The following MROH1 variants were observed in gnomAD, a reference collection of about 807,000 sequenced individuals.
The protein encoded by MROH1 is maestro heat-like repeat-containing protein family member 1.
Under a neutral mutation model 116.5 loss-of-function variants are expected in MROH1, and 117 were observed. The ratio of observed to expected loss-of-function variants is 1.00; its 90% CI spans 0.86 to 1.17. The LOEUF (loss-of-function observed/expected upper bound fraction) is 1.17, where lower values mean the gene tolerates loss of function less well. Among genes scored for constraint, MROH1 ranks in the 50% most tolerant of loss-of-function variants. The pLI is 0.00. For synonymous variants in MROH1, 921 were observed against 583.9 expected, an observed-to-expected ratio of 1.58 and a Z score of -8.32; for missense variants, 1,873 against 1,338.5, an observed-to-expected ratio of 1.40 and a Z score of -6.23.
intron 33 of MROH1, among the ~76,000 whole-genome samples, chr8:144,253,689 C>T (rs1228835254): frequency 1.3e-5 from 2 of 151,980 alleles, no homozygotes; most frequent in Non-Finnish European, 1.5e-5. Context: ...TCCTGGAATT[C>T]CCACCACAAG....
intron 29 of MROH1, 138 bp downstream of exon 29, chr8:144,245,398 C>T (rs1841715413): frequency 3.1e-6 from 2 of 652,654 alleles, no homozygotes; most frequent in Non-Finnish European, 5.5e-6. Flanking sequence ...GGATTGAGGG[C>T]CTGTCAGGGC....
chr8:144,255,339 T>A (rs1843537120), intron 34 of MROH1, among the ~76,000 whole-genome samples, 170 bp from the exon 35 acceptor site: 1 of 152,168 alleles, frequency 6.6e-6, no homozygotes, highest in Non-Finnish European at 1.5e-5. Flanking sequence ...CCTCTACCCC[T>A]GAGGGCCAAG....
intron 14 of MROH1, among the ~76,000 whole-genome samples, chr8:144,232,830 ATTTATTTATTTT>A (rs1282191882): frequency 1.3e-5 from 2 of 148,666 alleles, no homozygotes; most frequent in Non-Finnish European, 3.0e-5. Context: ...TTATTTATTT[ATTTATTTATTTT>A]ATGAGACAGG....
intron 4 of MROH1, among the ~76,000 whole-genome samples, chr8:144,178,053 G>C (rs1007196569): frequency 1.3e-5 from 2 of 150,140 alleles, no homozygotes; most frequent in Admixed American, 6.7e-5. Flanking sequence ...TCCACCTCCC[G>C]GGTTCAAGCT....
intron 4 of MROH1, among the ~76,000 whole-genome samples, chr8:144,173,640 C>T (rs1823081444): frequency 6.6e-6 from 1 of 152,070 alleles, no homozygotes; most frequent in Non-Finnish European, 1.5e-5. Context: ...GTTGGTCAGG[C>T]TGGTCTCAAA....
intron 29 of MROH1, among the ~76,000 whole-genome samples, 199 bp from the exon 30 acceptor site, chr8:144,247,102 G>A (rs1032707425): frequency 5.9e-4 from 79 of 134,284 alleles, no homozygotes; most frequent in African/African-American, 2.2e-3. Context: ...GGTCAGAGCT[G>A]AGCTGAGCAG....
chr8:144,155,353 C>A (rs1446682167), intron 1 of MROH1, among the ~76,000 whole-genome samples: 5 of 152,168 alleles, frequency 3.3e-5, no homozygotes, highest in African/African-American at 1.2e-4. Context: ...ATTTTAACTT[C>A]TTACAACAGA....
intron 1 of MROH1, among the ~76,000 whole-genome samples, chr8:144,153,262 T>C (rs1166503416): frequency 2.0e-5 from 3 of 152,192 alleles, no homozygotes; most frequent in Admixed American, 2.0e-4. Flanking sequence ...AATGGCTCGA[T>C]CTCGGCTCAC....
At chr8:144,217,729 G>A (rs889258373) in intron 12 of MROH1, among the ~76,000 whole-genome samples, 3 of 152,184 alleles carry the variant, frequency 2.0e-5, no homozygotes, top group South Asian at 4.1e-4. Flanking sequence ...TCAGCCTCCC[G>A]AGGAGCTGGG....
intron 31 of MROH1, among the ~76,000 whole-genome samples, chr8:144,248,345 C>T (rs1225538532): frequency 6.6e-6 from 1 of 151,320 alleles, no homozygotes; most frequent in Non-Finnish European, 1.5e-5. Flanking sequence ...GAAAGCTGCC[C>T]CTCCCTCCGT....
intron 4 of MROH1, among the ~76,000 whole-genome samples, chr8:144,178,722 G>T (rs1824758460): frequency 6.6e-6 from 1 of 152,192 alleles, no homozygotes; most frequent in African/African-American, 2.4e-5. Context: ...TTGGGGAGGG[G>T]CTGTCAACAC....
At chr8:144,162,774 G>C (rs560700174) in intron 2 of MROH1, among the ~76,000 whole-genome samples, 1 of 150,624 alleles carries the variant, frequency 6.6e-6, no homozygotes, top group East Asian at 2.0e-4. Context: ...TCAGGCTGCA[G>C]TGCAGTGGTG....
In MROH1 at chr8:144,245,142, C is replaced by T. The variant is rs1841674993; in HGVS notation, c.2767-14C>T. Reference sequence around the variant, plus strand: ...CCCTCTGAGCAGTACCTGTGTGACGCCCCTCTTCCTCAGCACCTGAGCCCA... The same window carrying T: ...CCCTCTGAGCAGTACCTGTGTGACGTCCCTCTTCCTCAGCACCTGAGCCCA... On this transcript the variant is annotated splice_polypyrimidine_tract_variant and intron_variant, in intron 28 of 43. Coordinates refer to ENST00000326134, the MANE Select transcript of MROH1 (RefSeq NM_032450.3). 1.3e-6 allele frequency: 1 copy of T among 778,798 alleles called. No individual in the cohort carries two copies. Among genetic ancestry groups the T allele is most frequent in the Admixed American group, 1.7e-5 (1 of 59,036 alleles). 48.2% of individuals were successfully genotyped at this position (778,798 alleles called of 1,614,324 possible).
At chr8:144,197,415 A>ATTTTTT (rs1830148154) in intron 10 of MROH1, among the ~76,000 whole-genome samples, 1 of 49,442 alleles carries the variant, frequency 2.0e-5, no homozygotes, top group Admixed American at 2.7e-4. Flanking sequence ...AAGCTGCAGC[A>ATTTTTT]TCTTTTTTTT....
chr8:144,247,246 A>AGGT (rs1169049532), intron 29 of MROH1, 55 bp from the exon 30 acceptor site: 1 of 748,120 alleles, frequency 1.3e-6, no homozygotes, highest in African/African-American at 1.7e-5. Flanking sequence ...CAGGTGGCAT[A>AGGT]GGTGGCATCC....
At chr8:144,185,294 G>C (rs1826687144) in intron 7 of MROH1, among the ~76,000 whole-genome samples, 1 of 152,146 alleles carries the variant, frequency 6.6e-6, no homozygotes, top group African/African-American at 2.4e-5. Context: ...TGCAAGTTTT[G>C]TCGTTACTGT....
At chr8:144,171,154 C>T (rs917420331) in intron 4 of MROH1, among the ~76,000 whole-genome samples, 17 of 152,200 alleles carry the variant, frequency 1.1e-4, no homozygotes, top group Admixed American at 6.5e-4. Flanking sequence ...GGCTCAGTCC[C>T]ACACAACAGC....
chr8:144,212,902 A>G, intron 12 of MROH1: 1 of 684,308 alleles, frequency 1.5e-6, no homozygotes. Flanking sequence ...CTTTTCTGTT[A>G]CGTCTCTATC....
rs184553555 is a variant in MROH1, at chr8:144,173,683, A to G, written c.168+5243A>G. On this transcript the variant is annotated intron_variant, in intron 4 of 43. Transcript: ENST00000326134. ...CCTGATCCACCCACCTCGGCCTCCCAAAGTGCTGGGATGACAGGCCTGAGC... is the reference window on the plus strand; with the variant it reads ...CCTGATCCACCCACCTCGGCCTCCCGAAGTGCTGGGATGACAGGCCTGAGC... Among the ~76,000 whole-genome samples, 7 of 152,286 alleles carry G rather than the reference A, an allele frequency of 4.6e-5. No homozygotes were observed. The South Asian group carries it at 6.2e-4, about 14-fold the overall frequency.
Sources: allele counts gnomAD v4.1 joint callset (sites outside exome capture counted in the v4.1 genomes callset), GRCh38; gene constraint gnomAD v4.1.1; transcripts MANE v1.5; gene names NCBI Gene and HGNC (gene_info 2026-07-23, HGNC 2026-07-21).